Variants in PPEF1 observed in about 807,000 individuals in gnomAD.
PPEF1 encodes protein phosphatase with EF-hand domain 1.
A neutral mutation model predicts 53.3 loss-of-function variants in PPEF1; 12 were observed. The ratio of observed to expected loss-of-function variants is 0.23; its 90% CI spans 0.14 to 0.36. The LOEUF (loss-of-function observed/expected upper bound fraction) is 0.36, where lower values mean the gene tolerates loss of function less well. PPEF1 is among the 10% of genes least tolerant of loss of function. The pLI, the probability that PPEF1 is intolerant of heterozygous loss-of-function variation, is 1.00. For synonymous variants in PPEF1, 165 were observed against 176.7 expected (o/e 0.93, Z 0.52); for missense variants, 334 against 490.4 (o/e 0.68, Z 3.01).
At chrX:18,711,994 C>T (rs765444549) in intron 1 of PPEF1, among the ~76,000 whole-genome samples, 6 of 111,611 alleles carry the variant, frequency 5.4e-5, no homozygotes, top group Admixed American at 9.5e-5. Context: ...CCTTGTGATC[C>T]GCCCGCCTTG....
intron 8 of PPEF1, 123 bp downstream of exon 8, chrX:18,782,525 T>C (rs1263173313): frequency 1.4e-5 from 7 of 486,164 alleles, no homozygotes; most frequent in Non-Finnish European, 2.3e-5. Flanking sequence ...CTAGTCAGAA[T>C]GCATGCCAAT....
chrX:18,736,835 A>G (rs1422115497), intron 3 of PPEF1, among the ~76,000 whole-genome samples: 4 of 112,076 alleles, frequency 3.6e-5, no homozygotes, highest in African/African-American at 1.3e-4. Flanking sequence ...CAGAGATTCA[A>G]CTTCTTCCTG....
intron 8 of PPEF1, among the ~76,000 whole-genome samples, chrX:18,783,358 T>C (rs2046131153): frequency 1.8e-5 from 2 of 110,028 alleles, no homozygotes; most frequent in Admixed American, 9.8e-5. Context: ...AGGAATTAGC[T>C]AGCCCCGGGA....
At chrX:18,821,390 T>TA (rs919170774) in intron 13 of PPEF1, among the ~76,000 whole-genome samples, 17 of 106,623 alleles carry the variant, frequency 1.6e-4, no homozygotes, top group Admixed American at 3.1e-4. Flanking sequence ...ATTAACAAAG[T>TA]AAAAAAAAAA....
intron 6 of PPEF1, among the ~76,000 whole-genome samples, chrX:18,777,735 C>G (rs2045998144): frequency 9.5e-6 from 1 of 105,028 alleles, no homozygotes; most frequent in Non-Finnish European, 1.9e-5. Flanking sequence ...CGTGTGTTAG[C>G]CAGGATGGTC....
intron 3 of PPEF1, among the ~76,000 whole-genome samples, chrX:18,743,159 A>G (rs2045224381): frequency 8.9e-6 from 1 of 112,163 alleles, no homozygotes; most frequent in Non-Finnish European, 1.9e-5. Context: ...TTGGGGAGCC[A>G]TTATCATAAA....
At chrX:18,793,888 TCACTCTTCACAGAGTGCTGC>T (rs1345763905) in intron 10 of PPEF1, among the ~76,000 whole-genome samples, 2 of 111,616 alleles carry the variant, frequency 1.8e-5, no homozygotes, top group Non-Finnish European at 3.8e-5. Flanking sequence ...GCCTCTGATG[TCACTCTTCACAGAGTGCTGC>T]CTTGGGCATG....
intron 4 of PPEF1, among the ~76,000 whole-genome samples, chrX:18,694,415 G>A (rs1485732293): frequency 9.0e-6 from 1 of 111,032 alleles, no homozygotes; most frequent in African/African-American, 3.3e-5. Context: ...GTTAGAGTTC[G>A]AGTTGCTCCA....
rs192835552 is a variant in PPEF1 at position 18,778,286 on chromosome X, C to T, written c.559-724C>T. Among the ~76,000 whole-genome samples the T allele has an allele frequency of 6.2e-3, 687 of 110,858 alleles. 4 individuals are homozygous for T. Among genetic ancestry groups the T allele is most frequent in the Non-Finnish European group, 0.01 (554 of 52,917 alleles). On this transcript the variant is annotated intron_variant, in intron 6 of 15. Coordinates refer to ENST00000470157, the MANE Select transcript of PPEF1 (RefSeq NM_001377996.1). ...ATGAATTAATAGCTATTTTAAAGAC[C>T]AGGCCTTTGTTCTGATCTCTGCTGC...
At chrX:18,679,807 C>T (rs1270342271), upstream of PPEF1, among the ~76,000 whole-genome samples, 1 of 111,610 alleles carries the variant, frequency 9.0e-6, no homozygotes, top group Non-Finnish European at 1.9e-5. Context: ...AATCCTCTTA[C>T]TGGCCAAGCA....
At chrX:18,728,059 G>A in intron 1 of PPEF1, among the ~76,000 whole-genome samples, 1 of 110,833 alleles carries the variant, frequency 9.0e-6, no homozygotes, top group East Asian at 2.8e-4. Context: ...TAGAGCCTTG[G>A]GGCAGGTGAA....
chrX:18,787,658 G>A (rs1464291306), intron 9 of PPEF1, among the ~76,000 whole-genome samples: 1 of 108,550 alleles, frequency 9.2e-6, no homozygotes, highest in African/African-American at 3.4e-5. Context: ...GGTGGCTCAT[G>A]CCTATAGTCC....
At chrX:18,687,203 C>T (rs933297583) in intron 3 of PPEF1, among the ~76,000 whole-genome samples, 4 of 111,356 alleles carry the variant, frequency 3.6e-5, no homozygotes, top group Non-Finnish European at 7.5e-5. Flanking sequence ...TGTCACATGA[C>T]TACCCATAGT....
intron 3 of PPEF1, among the ~76,000 whole-genome samples, chrX:18,741,753 T>C (rs1161807811): frequency 1.8e-5 from 2 of 108,222 alleles, no homozygotes; most frequent in African/African-American, 6.8e-5. Context: ...ATATACCCAT[T>C]TGAGTCTGGC....
At chrX:18,766,977 G>A (rs916048484) in intron 6 of PPEF1, among the ~76,000 whole-genome samples, 1 of 111,889 alleles carries the variant, frequency 8.9e-6, no homozygotes, top group Non-Finnish European at 1.9e-5. Flanking sequence ...ACTTGAACCC[G>A]AGAGGCAGAG....
chrX:18,746,116 T>C (rs2045324451), intron 3 of PPEF1, among the ~76,000 whole-genome samples: 1 of 112,123 alleles, frequency 8.9e-6, no homozygotes, highest in Non-Finnish European at 1.9e-5. Context: ...ATCATTTGCC[T>C]ATAATTCTTA....
chrX:18,786,043 A>G (rs2046191512), intron 9 of PPEF1, among the ~76,000 whole-genome samples: 1 of 112,445 alleles, frequency 8.9e-6, no homozygotes, highest in African/African-American at 3.2e-5. Flanking sequence ...CAAGAGCACA[A>G]GGGAACATGA....
At chrX:18,773,322 C>T (rs2045903895) in intron 6 of PPEF1, among the ~76,000 whole-genome samples, 1 of 111,827 alleles carries the variant, frequency 8.9e-6, no homozygotes, top group Non-Finnish European at 1.9e-5. Context: ...CTTTGTGATC[C>T]TGTTTAGTAC....
chrX:18,734,597 A>T, intron 3 of PPEF1, among the ~76,000 whole-genome samples: 1 of 111,183 alleles, frequency 9.0e-6, no homozygotes. Context: ...ATACGTGTGC[A>T]TGTCTCTTTA....
Sources: gnomAD v4.1 joint callset for allele counts (sites outside exome capture counted in the v4.1 genomes callset) on GRCh38, gnomAD v4.1.1 for gene constraint, MANE v1.5 for transcripts, NCBI Gene and HGNC (gene_info 2026-07-23, HGNC 2026-07-21) for gene names.